HPGD: variants seen among roughly 807,000 people sequenced by gnomAD.
HPGD encodes 15-hydroxyprostaglandin dehydrogenase [NAD(+)].
A neutral mutation model predicts 30.0 loss-of-function variants in HPGD; 29 were observed. The observed-to-expected ratio is 0.97, with a 90% CI of 0.72 to 1.32. The LOEUF (loss-of-function observed/expected upper bound fraction) is 1.32. HPGD is among the 40% of genes most tolerant of loss of function. HPGD has a pLI of 0.00. For synonymous variants in HPGD, 99 were observed against 112.4 expected (o/e 0.88, Z 0.75); for missense variants, 340 against 322.1 (o/e 1.06, Z -0.43).
intron 3 of HPGD, among the ~76,000 whole-genome samples, chr4:174,511,739 C>T (rs111310804): frequency 0.013 from 2,038 of 152,292 alleles, 18 homozygotes; most frequent in Non-Finnish European, 0.022. Context: ...CTCCGCCTCC[C>T]GGGTTCACGC....
At chr4:174,521,728 A>C (rs1428071112) in intron 2 of HPGD, among the ~76,000 whole-genome samples, 1 of 152,240 alleles carries the variant, frequency 6.6e-6, no homozygotes, top group Non-Finnish European at 1.5e-5. Flanking sequence ...ACTACAATAA[A>C]AGGATTTCTC....
chr4:174,522,546 G>T, upstream of HPGD: 1 of 871,838 alleles, frequency 1.1e-6, no homozygotes, highest in Non-Finnish European at 1.6e-6. Flanking sequence ...CGTGCAGCCC[G>T]GCGGGGCGCT....
chr4:174,518,947 C>T (rs1012527748), intron 2 of HPGD, among the ~76,000 whole-genome samples: 2 of 151,890 alleles, frequency 1.3e-5, no homozygotes, highest in Non-Finnish European at 2.9e-5. Flanking sequence ...TTCTACATGA[C>T]GGAAATATAT....
chr4:174,500,131 C>G (rs569863679), intron 4 of HPGD, among the ~76,000 whole-genome samples: 56 of 152,276 alleles, frequency 3.7e-4, no homozygotes, highest in African/African-American at 1.3e-3. Flanking sequence ...CAGTGAGACT[C>G]TGTCTCAAAC....
rs964048791 is a variant in HPGD at position 174,512,831 on chromosome 4, A to G, written c.325-4039T>C. On this transcript the variant is annotated intron_variant, in intron 3 of 6. Transcript: ENST00000296522. ...AAGGCTGGATAAATTTCAATGGAGA[A>G]GGAACTAGGCCTGTTAGTTATAACT... Among the ~76,000 whole-genome samples the G allele has an allele frequency of 2.1e-4, 32 of 152,328 alleles. 1 individual carries two copies. Among genetic ancestry groups the G allele is most frequent in the Middle Eastern group, 3.4e-3 (1 of 294 alleles).
At chr4:174,507,835 A>G (rs1358400730) in intron 4 of HPGD, 1 of 381,868 alleles carries the variant, frequency 2.6e-6, no homozygotes, top group East Asian at 3.8e-5. Context: ...AAATCATACT[A>G]CTCTGAAAAT....
chr4:174,512,105 A>G (rs909311009), intron 3 of HPGD, among the ~76,000 whole-genome samples: 1 of 152,224 alleles, frequency 6.6e-6, no homozygotes, highest in Non-Finnish European at 1.5e-5. Flanking sequence ...AGTAAGGAGT[A>G]AATTTGATAA....
At position 174,522,423 on chromosome 4, in the gene HPGD, A is replaced by G. The variant is rs755848982; in HGVS notation, c.29T>C (p.Val10Ala). The G allele has an allele frequency of 1.9e-6, 3 of 1,583,094 alleles. No homozygotes were observed. Among genetic ancestry groups the G allele is most frequent in the Non-Finnish European group, 2.6e-6 (3 of 1,165,432 alleles). MHVNGKVAL[V>A]TGAAQGIGRA... ...GCCTATGCCCTGAGCCGCGCCGGTC[A>G]CCAGCGCCACTTTGCCGTTCACGTG... The change falls in exon 1 of 7, where the codon GTG (valine) becomes GCG (alanine). Residue 10 changes from valine to alanine, a missense_variant. By Grantham distance (64) the Val-to-Ala change is moderately conservative. Coordinates refer to ENST00000296522, the MANE Select transcript of HPGD (RefSeq NM_000860.6).
intron 4 of HPGD, among the ~76,000 whole-genome samples, chr4:174,499,894 C>T (rs1579278407): frequency 6.6e-6 from 1 of 152,244 alleles, no homozygotes; most frequent in Non-Finnish European, 1.5e-5. Context: ...TCTTTCCCTA[C>T]ATGATTTTAT....
chr4:174,504,404 A>T lies in HPGD; in HGVS notation c.421+4292T>A, dbSNP rs535064790. Among the ~76,000 whole-genome samples, 113 of 152,134 alleles carry T rather than the reference A, an allele frequency of 7.4e-4. 1 individual carries two copies. The highest frequency in any genetic ancestry group is 2.4e-4 in the Non-Finnish European group (16 of 68,026). On this transcript the variant is annotated intron_variant, in intron 4 of 6. Transcript: ENST00000296522. ...CTCATGGTATCTCTCACAAAATGCT[A>T]CTGAGTGACAGAGCATGTCCCTAGT...
Position 174,493,279 on chromosome 4 carries a change from C to T in HPGD, c.534G>A (p.Leu178=). 2 of 1,613,240 alleles carry T rather than the reference C, an allele frequency of 1.2e-6. No individual in the cohort carries two copies. The highest frequency in any genetic ancestry group is 1.7e-6 in the Non-Finnish European group (2 of 1,179,390). The change falls in exon 6 of 7, where the codon CTG becomes CTA. Residue 178 remains leucine, a synonymous_variant. Coordinates refer to ENST00000296522, the MANE Select transcript of HPGD (RefSeq NM_000860.6). ...TAACAAAGCCTGGACAAATGGCATT[C>T]AGTCTCACACCACTGTTCATAAGAT... ...AANLMNSGVR[L]NAICPGFVNT...
At chr4:174,493,923 T>C (rs1432614233) in intron 5 of HPGD, among the ~76,000 whole-genome samples, 1 of 152,238 alleles carries the variant, frequency 6.6e-6, no homozygotes, top group Non-Finnish European at 1.5e-5. Flanking sequence ...TGGAAATCAA[T>C]ACTTGTGGAG....
chr4:174,506,948 C>A (rs958854648), intron 4 of HPGD: 1 of 152,164 alleles, frequency 6.6e-6, no homozygotes, highest in African/African-American at 2.4e-5. Context: ...ACCCTCTTAG[C>A]TTTATGAAAG....
At position 174,491,528 on chromosome 4, in the gene HPGD, T is replaced by C. The variant is rs1333091495; in HGVS notation, c.*428A>G. The C allele has an allele frequency of 5.8e-6, 1 of 172,682 alleles. No individual in the cohort carries two copies. Among genetic ancestry groups the C allele is most frequent in the Non-Finnish European group, 1.2e-5 (1 of 80,030 alleles). 10.7% of individuals were successfully genotyped at this position (172,682 alleles called of 1,614,324 possible). A position where few individuals can be genotyped will look rare whatever the true frequency, so the allele number is the denominator to read the frequency against. Reference sequence around the variant, plus strand: ...ATTATTATTGTGAAATATTTGTCATTGTTAAGTAGCTTTCCTCTTTTAAAG... The same window carrying C: ...ATTATTATTGTGAAATATTTGTCATCGTTAAGTAGCTTTCCTCTTTTAAAG... On this transcript the variant is annotated 3_prime_UTR_variant, in exon 7 of 7. Transcript: ENST00000296522.
rs1734484484 is a variant in HPGD, at chr4:174,494,415, A to T, written c.499-1101T>A. Among the ~76,000 whole-genome samples, 1 of 152,232 alleles carries T rather than the reference A, an allele frequency of 6.6e-6. No homozygotes were observed. The highest frequency in any genetic ancestry group is 2.1e-4 in the South Asian group (1 of 4,828). Reference sequence around the variant, plus strand: ...ACTTCATGGAACATAACCACCATGCATACTGAGAATTGACTGTAGAAGTTT... The same window carrying T: ...ACTTCATGGAACATAACCACCATGCTTACTGAGAATTGACTGTAGAAGTTT... On this transcript the variant is annotated intron_variant, in intron 5 of 6. Coordinates refer to ENST00000296522, the MANE Select transcript of HPGD (RefSeq NM_000860.6). This position sits in a 1 kb window ranked among gnomAD's most constrained non-coding sequence, Gnocchi z 4.9.
At position 174,491,199 on chromosome 4, in the gene HPGD, A is replaced by G. The variant is rs1220084232; in HGVS notation, c.*757T>C. 6.6e-6 allele frequency: 1 copy of G among 152,660 alleles called. No individual in the cohort carries two copies. The highest frequency in any genetic ancestry group is 1.5e-5 in the Non-Finnish European group (1 of 67,964). The allele number at this position is 152,660 out of a possible 1,614,324, so 9.5% of individuals were successfully genotyped here. A position where few individuals can be genotyped will look rare whatever the true frequency, so the allele number is the denominator to read the frequency against. On this transcript the variant is annotated 3_prime_UTR_variant, in exon 7 of 7. Transcript: ENST00000296522. ...TTTTCTTGTTGAGCATCTTAAATAT[A>G]ATATTTTTGGAGTACTAACTATTCT...
intron 2 of HPGD, among the ~76,000 whole-genome samples, chr4:174,521,139 C>T (rs1008085270): frequency 6.7e-6 from 1 of 149,868 alleles, no homozygotes; most frequent in Non-Finnish European, 1.5e-5. Context: ...TTGTGAAATA[C>T]AAATATTTTA....
intron 3 of HPGD, among the ~76,000 whole-genome samples, chr4:174,511,713 C>T (rs561943642): frequency 6.6e-6 from 1 of 152,296 alleles, no homozygotes; most frequent in East Asian, 1.9e-4. Flanking sequence ...GTGGCGCAAT[C>T]TCGGCTCACT....
Position 174,492,502 on chromosome 4 carries a change from A to C in HPGD, c.663-408T>G, listed in dbSNP as rs901050042. On this transcript the variant is annotated intron_variant, in intron 6 of 6. Coordinates refer to ENST00000296522, the MANE Select transcript of HPGD (RefSeq NM_000860.6). This position sits in a 1 kb window ranked among gnomAD's most constrained non-coding sequence, Gnocchi z 4.9. ...ATTGGTAACAGCTAGCATTTACTGAAAATTTTATTTTTTACCAGTTACCAT... is the reference window on the plus strand; with the variant it reads ...ATTGGTAACAGCTAGCATTTACTGACAATTTTATTTTTTACCAGTTACCAT... Among the ~76,000 whole-genome samples, 1 of 151,972 alleles carries C rather than the reference A, an allele frequency of 6.6e-6. No individual in the cohort carries two copies. Among genetic ancestry groups the C allele is most frequent in the African/African-American group, 2.4e-5 (1 of 41,428 alleles).
Sources: gnomAD v4.1 joint callset for allele counts (sites outside exome capture counted in the v4.1 genomes callset) on GRCh38, gnomAD v4.1.1 for gene constraint, Gnocchi (gnomAD v3.1) non-coding constraint, MANE v1.5 for transcripts, NCBI Gene and HGNC (gene_info 2026-07-23, HGNC 2026-07-21) for gene names.